The following CTDSPL2 variants were observed in gnomAD, a reference collection of about 807,000 sequenced individuals.
CTDSPL2 encodes the protein CTD small phosphatase-like protein 2.
In CTDSPL2, 5 loss-of-function variants were observed where a neutral mutation model predicts 60.0. The observed-to-expected ratio is 0.08, with a 90% confidence interval of 0.04 to 0.18. CTDSPL2 has a LOEUF of 0.18. Ranked by LOEUF, CTDSPL2 falls within the 10% of genes least tolerant of loss-of-function variation. The pLI, the probability that CTDSPL2 is intolerant of heterozygous loss-of-function variation, is 1.00. For synonymous variants in CTDSPL2, 186 were observed against 189.3 expected, an observed-to-expected ratio of 0.98 and a Z score of 0.14; for missense variants, 370 against 548.8, an observed-to-expected ratio of 0.67 and a Z score of 3.26.
rs1239760732 is a variant in CTDSPL2, at chr15:44,459,186, G to C, written c.172G>C (p.Gly58Arg). The change falls in exon 2 of 13, where the codon GGA becomes CGA. Residue 58 changes from glycine (G) to arginine (R), a missense_variant. Transcript: ENST00000260327. ...LLSSIKKFIK[G>R]STPKEERENP... ...GTCTTCAATTAAAAAATTTATTAAA[G>C]GAAGCACACCTAAGGTAATGATTTT... 6.2e-7 allele frequency: 1 copy of C among 1,605,532 alleles called. No individual in the cohort carries two copies.
At chr15:44,429,538 A>G (rs985893817) in intron 1 of CTDSPL2, among the ~76,000 whole-genome samples, 3 of 152,314 alleles carry the variant, frequency 2.0e-5, no homozygotes, top group Admixed American at 2.0e-4. Context: ...TGCATTCAGT[A>G]CTTGCACTCT....
At chr15:44,470,039 A>G (rs1232739065) in intron 2 of CTDSPL2, among the ~76,000 whole-genome samples, 1 of 145,986 alleles carries the variant, frequency 6.8e-6, no homozygotes, top group Non-Finnish European at 1.5e-5. Context: ...CGGAGCTTGC[A>G]GTGAGCCGAG....
intron 2 of CTDSPL2, among the ~76,000 whole-genome samples, chr15:44,483,816 A>G (rs2081072722): frequency 1.3e-5 from 2 of 152,140 alleles, no homozygotes; most frequent in African/African-American, 4.8e-5. Context: ...TTTGGGCTAT[A>G]TGTGACTTGC....
intron 1 of CTDSPL2, among the ~76,000 whole-genome samples, chr15:44,457,078 T>C (rs2080463045): frequency 6.6e-6 from 1 of 152,138 alleles, no homozygotes; most frequent in Admixed American, 6.5e-5. Context: ...GGTTTCACCA[T>C]GTTGCCCAGG....
chr15:44,433,331 A>G (rs182697173), intron 1 of CTDSPL2, among the ~76,000 whole-genome samples: 2,772 of 117,860 alleles, frequency 0.024, 41 homozygotes, highest in East Asian at 0.1. Flanking sequence ...TGTCTCAAAG[A>G]AAAAAAAAAA....
At chr15:44,505,330 G>C (rs1020576164) in intron 8 of CTDSPL2, among the ~76,000 whole-genome samples, 1 of 152,102 alleles carries the variant, frequency 6.6e-6, no homozygotes, top group Admixed American at 6.6e-5. Flanking sequence ...GCTGAGGTGG[G>C]AAGATCACCG....
chr15:44,444,187 G>A (rs2080151679), intron 1 of CTDSPL2, among the ~76,000 whole-genome samples: 2 of 151,786 alleles, frequency 1.3e-5, no homozygotes, highest in African/African-American at 4.8e-5. Flanking sequence ...ATGGCACCTG[G>A]CTCAAAAATT....
chr15:44,527,640 CTT>C lies in CTDSPL2; in HGVS notation c.*3468_*3469del, dbSNP rs1030221122. 13 of 152,190 alleles carry C rather than the reference CTT, an allele frequency of 8.5e-5. No individual in the cohort carries two copies. The highest frequency in any genetic ancestry group is 3.1e-4 in the African/African-American group (13 of 41,460). The allele number at this position is 152,190 out of a possible 1,614,324, so 9.4% of individuals were successfully genotyped here. On this transcript the variant is annotated 3_prime_UTR_variant, in exon 13 of 13. Transcript: ENST00000260327. The stretch of plus-strand genomic sequence containing the variant: ...GTTAAGGTTTTCTGACCTGACTTCT[CTT>C]TGTCTTCCTAGGTATTTATTTGTTA...
At position 44,521,294 on chromosome 15, in the gene CTDSPL2, C is replaced by A; in HGVS notation, c.1240-17C>A. The A allele has an allele frequency of 8.3e-7, 1 of 1,200,134 alleles. No homozygotes were observed. Among genetic ancestry groups the A allele is most frequent in the Non-Finnish European group, 1.2e-6 (1 of 831,556 alleles). The allele number at this position is 1,200,134 out of a possible 1,614,324, so 74.3% of individuals were successfully genotyped here. A position where few individuals can be genotyped will look rare whatever the true frequency, so the allele number is the denominator to read the frequency against. On this transcript the variant is annotated splice_polypyrimidine_tract_variant and intron_variant, in intron 11 of 12. Coordinates refer to ENST00000260327, the MANE Select transcript of CTDSPL2 (RefSeq NM_016396.3). ...ATATAAGTAAAAGAGGATTTAATTACTTATTTATTGTTTTAGCTTTCTAAT... is the reference window on the plus strand; with the variant it reads ...ATATAAGTAAAAGAGGATTTAATTAATTATTTATTGTTTTAGCTTTCTAAT...
chr15:44,496,955 G>C, intron 6 of CTDSPL2, 72 bp from the exon 7 acceptor site: 1 of 777,446 alleles, frequency 1.3e-6, no homozygotes, highest in East Asian at 2.7e-5. Flanking sequence ...ATTTTTAAAT[G>C]GGCTGAGCTT....
intron 1 of CTDSPL2, among the ~76,000 whole-genome samples, chr15:44,450,140 C>G (rs1419041157): frequency 6.6e-6 from 1 of 151,946 alleles, no homozygotes; most frequent in Non-Finnish European, 1.5e-5. Flanking sequence ...GAATTAAGAG[C>G]ATTTTTCAAT....
rs146079699 is a variant in CTDSPL2, at chr15:44,435,632, A to C, written c.-25+7860A>C. Among the ~76,000 whole-genome samples the C allele has an allele frequency of 8.1e-3, 1,021 of 125,990 alleles. 12 individuals carry two copies. Among genetic ancestry groups the C allele is most frequent in the African/African-American group, 0.028 (947 of 34,384 alleles). 82.7% of individuals were successfully genotyped at this position (125,990 alleles called of 152,430 possible). A position where few individuals can be genotyped will look rare whatever the true frequency, so the allele number is the denominator to read the frequency against. ...TGTTTTTTTTTTTTTTTTGAGGCGGAGTCTCGCTCTGTCACCCAATCTGGA... is the reference window on the plus strand; with the variant it reads ...TGTTTTTTTTTTTTTTTTGAGGCGGCGTCTCGCTCTGTCACCCAATCTGGA... On this transcript the variant is annotated intron_variant, in intron 1 of 12. Coordinates refer to ENST00000260327, the MANE Select transcript of CTDSPL2 (RefSeq NM_016396.3).
intron 2 of CTDSPL2, among the ~76,000 whole-genome samples, chr15:44,475,659 C>A (rs933118177): frequency 6.7e-6 from 1 of 150,282 alleles, no homozygotes; most frequent in Middle Eastern, 3.2e-3. Context: ...AAAAAAGATT[C>A]TTCAGACGCT....
In CTDSPL2 at chr15:44,527,910, CCT is replaced by C. The variant is rs531587648; in HGVS notation, c.*3737_*3738del. 3.3e-5 allele frequency: 5 copies of C among 152,066 alleles called. No individual in the cohort carries two copies. The highest frequency in any genetic ancestry group is 5.9e-5 in the Non-Finnish European group (4 of 68,012). 9.4% of individuals were successfully genotyped at this position (152,066 alleles called of 1,614,324 possible). ...GATGTCATTACTTCTCATGTCTTCCCCTGAGTTGAAAGCCTACGACAAACATG... is the reference window on the plus strand; with the variant it reads ...GATGTCATTACTTCTCATGTCTTCCCGAGTTGAAAGCCTACGACAAACATG... On this transcript the variant is annotated 3_prime_UTR_variant, in exon 13 of 13. Transcript: ENST00000260327.
intron 1 of CTDSPL2, among the ~76,000 whole-genome samples, chr15:44,450,063 G>A (rs1013416635): frequency 3.3e-5 from 5 of 151,776 alleles, no homozygotes; most frequent in African/African-American, 9.7e-5. Context: ...TAAGCATTCC[G>A]TTAGATTCTA....
chr15:44,498,473 C>T (rs551594805), intron 7 of CTDSPL2, among the ~76,000 whole-genome samples: 3 of 152,276 alleles, frequency 2.0e-5, no homozygotes, highest in Admixed American at 1.3e-4. Flanking sequence ...GTAGTCCCAG[C>T]TACTCGGGAG....
chr15:44,434,900 A>G (rs2079942060), intron 1 of CTDSPL2, among the ~76,000 whole-genome samples: 1 of 152,210 alleles, frequency 6.6e-6, no homozygotes, highest in African/African-American at 2.4e-5. Flanking sequence ...AGAAGACCAT[A>G]TATCAGAAAT....
intron 1 of CTDSPL2, among the ~76,000 whole-genome samples, chr15:44,458,372 A>G (rs1419818255): frequency 2.6e-5 from 4 of 152,046 alleles, no homozygotes; most frequent in African/African-American, 9.7e-5. Flanking sequence ...GCTCAAATAA[A>G]TAGCCTCATA....
At chr15:44,452,922 A>G (rs973865625) in intron 1 of CTDSPL2, among the ~76,000 whole-genome samples, 1 of 152,110 alleles carries the variant, frequency 6.6e-6, no homozygotes, top group African/African-American at 2.4e-5. Flanking sequence ...TCTACATACA[A>G]GGTCTTTGTG....
Sources: gnomAD v4.1 joint callset for allele counts (sites outside exome capture counted in the v4.1 genomes callset) on GRCh38, gnomAD v4.1.1 for gene constraint, MANE v1.5 for transcripts, NCBI Gene and HGNC (gene_info 2026-07-23, HGNC 2026-07-21) for gene names.